Variants in CDIN1 observed in about 807,000 individuals in gnomAD.
CDIN1 encodes the protein CDAN1 interacting nuclease 1.
In CDIN1, 33 loss-of-function variants were observed where a neutral mutation model predicts 45.3. That is an observed-to-expected ratio of 0.73 (90% confidence interval 0.55 to 0.97). The LOEUF (loss-of-function observed/expected upper bound fraction) is 0.97. Ranked by LOEUF, CDIN1 falls within the 50% of genes least tolerant of loss-of-function variation. The pLI is 0.00. For missense variants in CDIN1, 303 were observed against 339.4 expected (o/e 0.89, Z 0.84); for synonymous variants, 118 against 124.4 (o/e 0.95, Z 0.34).
intron 5 of CDIN1, among the ~76,000 whole-genome samples, chr15:36,664,246 G>T (rs1273462111): frequency 1.3e-5 from 2 of 152,146 alleles, no homozygotes; most frequent in Admixed American, 1.3e-4. Flanking sequence ...TTATAAATGT[G>T]GAAGTGTGGG....
At chr15:36,668,634 C>A (rs1004035215) in intron 5 of CDIN1, among the ~76,000 whole-genome samples, 3 of 152,048 alleles carry the variant, frequency 2.0e-5, no homozygotes, top group Non-Finnish European at 2.9e-5. Flanking sequence ...GAATGTAAAT[C>A]GACTGCATTG....
At chr15:36,793,258 G>A (rs1261828013) in intron 10 of CDIN1, among the ~76,000 whole-genome samples, 1 of 152,098 alleles carries the variant, frequency 6.6e-6, no homozygotes, top group South Asian at 2.1e-4. Flanking sequence ...CAGGAGCTGG[G>A]TTCATGTTAT....
At chr15:36,668,102 G>C (rs1369721761) in intron 5 of CDIN1, 2 of 152,030 alleles carry the variant, frequency 1.3e-5, no homozygotes, top group Non-Finnish European at 2.9e-5. Flanking sequence ...TCTTGTTTTT[G>C]TTTTTCAGCC....
intron 10 of CDIN1, among the ~76,000 whole-genome samples, chr15:36,795,939 C>T (rs2054783922): frequency 6.6e-6 from 1 of 152,180 alleles, no homozygotes; most frequent in African/African-American, 2.4e-5. Context: ...AAAGAAACAT[C>T]TTATCTAATT....
chr15:36,644,344 T>G (rs1331230919), intron 2 of CDIN1, 21 bp downstream of exon 2: 1 of 1,610,220 alleles, frequency 6.2e-7, no homozygotes, highest in South Asian at 1.1e-5. Flanking sequence ...TTCTCCTTTG[T>G]GAGGGTTGAC....
rs1427832280 is a variant in CDIN1, at chr15:36,613,938, G to A, written c.102-30340G>A. The A allele has an allele frequency of 2.6e-6, 4 of 1,554,366 alleles. No homozygotes were observed. In the African/African-American group the frequency reaches 5.4e-5, roughly 21 times the overall value. The stretch of plus-strand genomic sequence containing the variant: ...AGCTGGCAGAGCCCCATTGCCGAGA[G>A]ATGGATGAGCAGATCAGACTGATGG... On this transcript the variant is annotated intron_variant, in intron 1 of 10. Transcript: ENST00000566621.
chr15:36,794,502 A>G (rs1350369400), intron 10 of CDIN1, among the ~76,000 whole-genome samples: 1 of 151,994 alleles, frequency 6.6e-6, no homozygotes, highest in African/African-American at 2.4e-5. Context: ...TCTTTTTATG[A>G]TTTTGACCCC....
intron 7 of CDIN1, among the ~76,000 whole-genome samples, chr15:36,693,368 A>C (rs1343106078): frequency 6.6e-6 from 1 of 152,190 alleles, no homozygotes; most frequent in Non-Finnish European, 1.5e-5. Flanking sequence ...TTTTTATTAA[A>C]CCAAAGTGAA....
intron 10 of CDIN1, among the ~76,000 whole-genome samples, chr15:36,796,582 C>T (rs542945334): frequency 6.6e-6 from 1 of 152,330 alleles, no homozygotes; most frequent in Admixed American, 6.5e-5. Flanking sequence ...CTAGCACTGG[C>T]ATCCAGTCCC....
intron 10 of CDIN1, among the ~76,000 whole-genome samples, chr15:36,798,025 CAAA>C (rs11307856): frequency 1.8e-4 from 17 of 93,572 alleles, no homozygotes; most frequent in African/African-American, 1.7e-4. Context: ...GAGTTATTAG[CAAA>C]AAAAAAAAAA....
At chr15:36,640,672 T>A in intron 1 of CDIN1, 1 of 984,420 alleles carries the variant, frequency 1.0e-6, no homozygotes, top group Non-Finnish European at 1.2e-6. Context: ...TCTGCATGCT[T>A]TAGCTGTCCA....
rs8025988 is a variant in CDIN1 at position 36,763,608 on chromosome 15, G to A, written c.717-44716G>A. Among the ~76,000 whole-genome samples, 234 of 152,012 alleles carry A rather than the reference G, an allele frequency of 1.5e-3. 1 individual carries two copies. Among genetic ancestry groups the A allele is most frequent in the Non-Finnish European group, 2.7e-3 (183 of 67,972 alleles). On this transcript the variant is annotated intron_variant, in intron 10 of 10. Transcript: ENST00000566621. ...GCCAGAAGAGAGAGGACTGTACCCC[G>A]CCATGTTGTGGTGAGAAACCACACC...
chr15:36,785,093 G>A (rs188401082), intron 10 of CDIN1, among the ~76,000 whole-genome samples: 92 of 152,310 alleles, frequency 6.0e-4, no homozygotes, highest in African/African-American at 1.9e-3. Flanking sequence ...TCACCAAAAA[G>A]GGCCTCTGTG....
In CDIN1 at chr15:36,691,777, G is replaced by A; in HGVS notation, c.426+13G>A. 2 of 1,564,046 alleles carry A rather than the reference G, an allele frequency of 1.3e-6. No homozygotes were observed. The highest frequency in any genetic ancestry group is 8.7e-7 in the Non-Finnish European group (1 of 1,143,458). ...TCAGGTCTATCAGGTATTAATCACA[G>A]CTGTCTATTTTCAGTGGCAATGCTG... is the stretch of plus-strand genomic sequence containing the variant. On this transcript the variant is annotated intron_variant, in intron 6 of 10. Transcript: ENST00000566621.
At chr15:36,774,950 T>C (rs969417484) in intron 10 of CDIN1, among the ~76,000 whole-genome samples, 1 of 152,226 alleles carries the variant, frequency 6.6e-6, no homozygotes, top group African/African-American at 2.4e-5. Context: ...AGGAATATTA[T>C]TGATGACATA....
intron 10 of CDIN1, among the ~76,000 whole-genome samples, chr15:36,769,661 A>T (rs1428219827): frequency 6.6e-6 from 1 of 152,198 alleles, no homozygotes; most frequent in East Asian, 1.9e-4. Flanking sequence ...TGTTAACTCC[A>T]TTCTACTGAC....
intron 10 of CDIN1, among the ~76,000 whole-genome samples, chr15:36,729,632 G>A (rs2140907288): frequency 6.6e-6 from 1 of 152,272 alleles, no homozygotes; most frequent in South Asian, 2.1e-4. Flanking sequence ...TGTGATGAGT[G>A]ACATTATTAG....
intron 1 of CDIN1, among the ~76,000 whole-genome samples, chr15:36,636,610 G>T (rs576791855): frequency 9.9e-5 from 15 of 152,122 alleles, no homozygotes; most frequent in South Asian, 8.3e-4. Context: ...GGAAAGGAAG[G>T]AATGAAGAAC....
chr15:36,612,128 C>T (rs2038678354), intron 1 of CDIN1, among the ~76,000 whole-genome samples: 1 of 152,212 alleles, frequency 6.6e-6, no homozygotes, highest in South Asian at 2.1e-4. Flanking sequence ...ACAGAGGCGT[C>T]CTTGTATCTT....
Sources: allele counts gnomAD v4.1 joint callset (sites outside exome capture counted in the v4.1 genomes callset), GRCh38; gene constraint gnomAD v4.1.1; transcripts MANE v1.5; gene names NCBI Gene and HGNC (gene_info 2026-07-23, HGNC 2026-07-21).